GPR143: variants seen among roughly 807,000 people sequenced by gnomAD.
GPR143 encodes the protein G protein-coupled receptor 143.
Under a neutral mutation model 27.6 loss-of-function variants are expected in GPR143, and 8 were observed. That is an observed-to-expected ratio of 0.29 (90% CI 0.17 to 0.52). GPR143 has a LOEUF of 0.52. Among genes scored for constraint, GPR143 ranks in the 20% least tolerant of loss-of-function variants. The pLI, the probability that GPR143 is intolerant of heterozygous loss-of-function variation, is 0.96. For synonymous variants in GPR143, 156 were observed against 153.2 expected (o/e 1.02, Z -0.13); for missense variants, 303 against 343.1 (o/e 0.88, Z 0.92).
At chrX:9,742,212 A>G (rs917634463) in intron 6 of GPR143, among the ~76,000 whole-genome samples, 52 of 111,793 alleles carry the variant, frequency 4.7e-4, no homozygotes, top group African/African-American at 1.6e-3. Context: ...TTAGTAGGAG[A>G]TGATTTATGT....
At chrX:9,742,733 T>A (rs902004608) in intron 6 of GPR143, among the ~76,000 whole-genome samples, 5 of 111,785 alleles carry the variant, frequency 4.5e-5, no homozygotes, top group South Asian at 7.4e-4. Flanking sequence ...TCTCCAACCT[T>A]CTTGACCAAA....
rs181688933 is a variant in GPR143 at position 9,761,203 on chromosome X, C to G, written c.251-377G>C. Among the ~76,000 whole-genome samples the G allele has an allele frequency of 4.5e-3, 503 of 111,270 alleles. 1 individual carries two copies. The highest frequency in any genetic ancestry group is 6.6e-3 in the Non-Finnish European group (349 of 53,007). On this transcript the variant is annotated intron_variant, in intron 1 of 8. Transcript: ENST00000467482. ...CCGCCTCCCAGGTTTAAGTAATTCT[C>G]CTGCCTCAGCCTCCCGAGTGGCTGG...
chrX:9,778,047 C>A (rs1029081173), intron 1 of GPR143, among the ~76,000 whole-genome samples: 1 of 110,065 alleles, frequency 9.1e-6, no homozygotes, highest in Non-Finnish European at 1.9e-5. Flanking sequence ...GCTGAGATCG[C>A]GCCACTGCAC....
At chrX:9,767,242 AAAAAG>A (rs1053581252), upstream of GPR143, among the ~76,000 whole-genome samples, 4 of 110,190 alleles carry the variant, frequency 3.6e-5, 1 homozygote, top group Non-Finnish European at 5.7e-5. Flanking sequence ...TTTATTTTAA[AAAAAG>A]AAAAGAAAAA....
At chrX:9,777,308 G>A (rs763659192) in intron 1 of GPR143, among the ~76,000 whole-genome samples, 2 of 112,150 alleles carry the variant, frequency 1.8e-5, no homozygotes, top group East Asian at 5.6e-4. Flanking sequence ...TTAGGAGAGT[G>A]AGGTGGTAGG....
rs201414372 is a variant in GPR143, at chrX:9,753,361, AAAAT to A, written c.456-4699_456-4696del. Among the ~76,000 whole-genome samples the A allele has an allele frequency of 5.2e-3, 572 of 109,041 alleles. 3 individuals carry two copies. The highest frequency in any genetic ancestry group is 0.018 in the African/African-American group (547 of 29,746). 94.7% of individuals were successfully genotyped at this position (109,041 alleles called of 115,157 possible). On this transcript the variant is annotated intron_variant, in intron 3 of 8. Transcript: ENST00000467482. Reference sequence around the variant, plus strand: ...CGACAGAGCAAGACTCCGTCTCAAAAAAATAAATAAATAAATAAAAATAAAAATA... The same window carrying A: ...CGACAGAGCAAGACTCCGTCTCAAAAAAATAAATAAATAAAAATAAAAATA...
chrX:9,772,000 C>T lies in GPR143; in HGVS notation c.-2-11174G>A, dbSNP rs1339473137. Among the ~76,000 whole-genome samples, 3 of 110,776 alleles carry T rather than the reference C, an allele frequency of 2.7e-5. No individual in the cohort carries two copies. The East Asian group carries it at 8.5e-4, about 31-fold the overall frequency. On this transcript the variant is annotated intron_variant, in intron 1 of 7. Transcript: ENST00000447366. ...TGCTGGGATTACAGGCATGAGCCAC[C>T]GCGCCCGGCTGGAGCATTCTCAACA...
At chrX:9,744,976 G>A (rs1020893145) in intron 5 of GPR143, among the ~76,000 whole-genome samples, 1 of 112,050 alleles carries the variant, frequency 8.9e-6, no homozygotes, top group Non-Finnish European at 1.9e-5. Flanking sequence ...TATGCGCCAG[G>A]CGTGGTGGCT....
At chrX:9,764,680 T>C (rs971356281) in intron 1 of GPR143, among the ~76,000 whole-genome samples, 1 of 111,113 alleles carries the variant, frequency 9.0e-6, no homozygotes, top group Non-Finnish European at 1.9e-5. Context: ...TAAACGGATT[T>C]TTTAAAACCC....
intron 7 of GPR143, among the ~76,000 whole-genome samples, chrX:9,740,277 A>C (rs1452630350): frequency 1.8e-5 from 2 of 112,489 alleles, no homozygotes; most frequent in African/African-American, 6.5e-5. Context: ...AGGACACATA[A>C]AGTTCACCAG....
intron 8 of GPR143, among the ~76,000 whole-genome samples, chrX:9,727,588 C>A (rs1157420790): frequency 8.8e-6 from 1 of 113,025 alleles, no homozygotes; most frequent in African/African-American, 3.2e-5. Flanking sequence ...ATTCCAGCAA[C>A]ATGTCTTCCT....
chrX:9,725,555 C>T lies in GPR143; in HGVS notation c.*191G>A, dbSNP rs968249160. 15 of 420,055 alleles carry T rather than the reference C, an allele frequency of 3.6e-5. No individual in the cohort carries two copies. The highest frequency in any genetic ancestry group is 5.4e-5 in the Non-Finnish European group (13 of 240,242). The allele number at this position is 420,055 out of a possible 1,213,427, so 34.6% of individuals were successfully genotyped here. On this transcript the variant is annotated 3_prime_UTR_variant, in exon 9 of 9. Coordinates refer to ENST00000467482, the MANE Select transcript of GPR143 (RefSeq NM_000273.3). Reference sequence around the variant, plus strand: ...TCTGGAGGGGGCTCTTCCATTCTCACACGTGTGTGCATGAACCCTTTCTCC... The same window carrying T: ...TCTGGAGGGGGCTCTTCCATTCTCATACGTGTGTGCATGAACCCTTTCTCC...
chrX:9,746,146 G>A lies in GPR143; in HGVS notation c.556C>T (p.Arg186Trp), dbSNP rs199899645. The A allele has an allele frequency of 9.2e-5, 106 of 1,148,601 alleles. No homozygotes were observed. The highest frequency in any genetic ancestry group is 1.2e-4 in the Non-Finnish European group (99 of 839,197). The allele number at this position is 1,148,601 out of a possible 1,213,427, so 94.7% of individuals were successfully genotyped here. A position where few individuals can be genotyped will look rare whatever the true frequency, so the allele number is the denominator to read the frequency against. Residue 186 changes from arginine (R) to tryptophan (W), a missense_variant, in exon 5 of 9, where the codon CGG (arginine) becomes TGG (tryptophan). Coordinates refer to ENST00000467482, the MANE Select transcript of GPR143 (RefSeq NM_000273.3). Reference sequence around the variant, plus strand: ...TGGGGGATGGCGTGGTCCAGGCCCCGCTCACACCTGAGAGAGGAAAACCAA... The same window carrying A: ...TGGGGGATGGCGTGGTCCAGGCCCCACTCACACCTGAGAGAGGAAAACCAA... ...LYYPSVSRCE[R>W]GLDHAIPHYV...
intron 8 of GPR143, chrX:9,738,421 G>A (rs1422512114): frequency 4.8e-5 from 36 of 747,053 alleles, no homozygotes; most frequent in Admixed American, 8.8e-5. Flanking sequence ...TGTACCAGAC[G>A]GAAAGTCTGT....
At chrX:9,767,748 A>G (rs1223263917), upstream of GPR143, among the ~76,000 whole-genome samples, 2 of 112,616 alleles carry the variant, frequency 1.8e-5, no homozygotes, top group Admixed American at 1.9e-4. Context: ...CAGAAGCACC[A>G]TAGAACTACT....
intron 8 of GPR143, among the ~76,000 whole-genome samples, chrX:9,727,247 G>C (rs1013968392): frequency 1.8e-5 from 2 of 113,245 alleles, no homozygotes. Context: ...CCCCGATTCT[G>C]AGCCCATAAA....
At chrX:9,764,899 C>T (rs986091898) in intron 1 of GPR143, among the ~76,000 whole-genome samples, 3 of 108,979 alleles carry the variant, frequency 2.8e-5, no homozygotes, top group African/African-American at 6.7e-5. Context: ...TGGTGGCGCG[C>T]GCCTCCCCCA....
At chrX:9,770,356 AGG>A (rs2083550524), upstream of GPR143, among the ~76,000 whole-genome samples, 1 of 95,878 alleles carries the variant, frequency 1.0e-5, no homozygotes, top group African/African-American at 3.8e-5. Context: ...AGAGAGAGAG[AGG>A]AAGACCAGCC....
chrX:9,751,304 T>C (rs2083450342), intron 3 of GPR143, among the ~76,000 whole-genome samples: 1 of 112,157 alleles, frequency 8.9e-6, no homozygotes. Context: ...GTCTTCACTT[T>C]GAGGACAATC....
Sources: allele counts gnomAD v4.1 joint callset (sites outside exome capture counted in the v4.1 genomes callset), GRCh38; gene constraint gnomAD v4.1.1; transcripts MANE v1.5; gene names NCBI Gene and HGNC (gene_info 2026-07-23, HGNC 2026-07-21).